The following FBXL17 variants were observed in gnomAD, a reference collection of about 807,000 sequenced individuals.
FBXL17 encodes the protein F-box and leucine rich repeat protein 17.
In FBXL17, 22 loss-of-function variants were observed where a neutral mutation model predicts 66.2. The ratio of observed to expected loss-of-function variants is 0.33; its 90% CI spans 0.24 to 0.47. The LOEUF is 0.47. Among genes scored for constraint, FBXL17 ranks in the 20% least tolerant of loss-of-function variants. FBXL17 has a pLI of 1.00. For missense variants in FBXL17, 878 were observed against 948.2 expected (o/e 0.93, Z 0.97); for synonymous variants, 474 against 400.5 (o/e 1.18, Z -2.19).
intron 4 of FBXL17, among the ~76,000 whole-genome samples, chr5:108,306,835 C>A (rs557728099): frequency 4.6e-5 from 7 of 152,034 alleles, no homozygotes; most frequent in African/African-American, 1.4e-4. Flanking sequence ...AATTAATTAT[C>A]ACTTGTGAGC....
intron 3 of FBXL17, 96 bp from the exon 4 acceptor site, chr5:108,348,626 CAG>C (rs1747434171): frequency 1.7e-6 from 2 of 1,199,162 alleles, no homozygotes; most frequent in Non-Finnish European, 2.4e-6. Flanking sequence ...ATAACCACGT[CAG>C]AGTTAAATAT....
intron 4 of FBXL17, among the ~76,000 whole-genome samples, chr5:108,339,834 C>T (rs1746757481): frequency 6.6e-6 from 1 of 152,118 alleles, no homozygotes; most frequent in African/African-American, 2.4e-5. Flanking sequence ...AAGCTAGCTT[C>T]CTCCTGAGAT....
At chr5:107,947,555 G>A (rs1751355817) in intron 7 of FBXL17, among the ~76,000 whole-genome samples, 1 of 152,180 alleles carries the variant, frequency 6.6e-6, no homozygotes, top group Admixed American at 6.5e-5. Flanking sequence ...TAATTCCTAA[G>A]ATGAGAAGTT....
intron 7 of FBXL17, among the ~76,000 whole-genome samples, chr5:107,910,635 A>G (rs555070259): frequency 2.0e-5 from 3 of 152,162 alleles, no homozygotes; most frequent in Non-Finnish European, 4.4e-5. Context: ...CAAAGGATAT[A>G]ATTGCTTACC....
chr5:108,011,270 G>A (rs1754159965), intron 7 of FBXL17, among the ~76,000 whole-genome samples: 1 of 152,188 alleles, frequency 6.6e-6, no homozygotes, highest in Admixed American at 6.5e-5. Flanking sequence ...ATCTTGAAGA[G>A]CAGGTAAAAC....
chr5:108,122,771 C>T (rs956453243), intron 6 of FBXL17, among the ~76,000 whole-genome samples: 9 of 152,116 alleles, frequency 5.9e-5, no homozygotes, highest in Admixed American at 2.0e-4. Context: ...AAAATGCCCA[C>T]GAGGAACTGC....
At chr5:108,338,830 T>C (rs1746687651) in intron 4 of FBXL17, among the ~76,000 whole-genome samples, 1 of 152,074 alleles carries the variant, frequency 6.6e-6, no homozygotes. Flanking sequence ...GTTCAAACCT[T>C]TGTAAATAAT....
intron 6 of FBXL17, among the ~76,000 whole-genome samples, chr5:108,033,770 T>C (rs1746732096): frequency 1.3e-5 from 2 of 152,180 alleles, no homozygotes; most frequent in African/African-American, 4.8e-5. Context: ...ACATAGATGT[T>C]ATCAGGCTTT....
intron 6 of FBXL17, among the ~76,000 whole-genome samples, chr5:108,033,801 G>A (rs1333129454): frequency 1.3e-5 from 2 of 152,062 alleles, no homozygotes. Flanking sequence ...ACATTCTGAT[G>A]AGTTCGTAAA....
chr5:108,189,115 T>C (rs1433538284), intron 5 of FBXL17, among the ~76,000 whole-genome samples: 1 of 152,096 alleles, frequency 6.6e-6, no homozygotes, highest in Non-Finnish European at 1.5e-5. Flanking sequence ...GAAGGATAGA[T>C]GGCTATGTAC....
chr5:107,933,049 C>A (rs1750783537), intron 7 of FBXL17, among the ~76,000 whole-genome samples: 2 of 152,090 alleles, frequency 1.3e-5, no homozygotes, highest in Non-Finnish European at 1.5e-5. Context: ...TTTTGAGGTC[C>A]AGCAGTGGAA....
intron 4 of FBXL17, among the ~76,000 whole-genome samples, chr5:108,311,432 A>G (rs1213142312): frequency 1.3e-5 from 2 of 152,170 alleles, no homozygotes; most frequent in African/African-American, 4.8e-5. Context: ...TCGGCCTCCC[A>G]AAGTGCTGGG....
chr5:108,325,489 TTATTTTAG>T (rs1241394916), intron 4 of FBXL17, among the ~76,000 whole-genome samples: 1 of 152,036 alleles, frequency 6.6e-6, no homozygotes, highest in African/African-American at 2.4e-5. Context: ...TAAGTGGGAT[TTATTTTAG>T]CAAGAGAAAA....
chr5:108,194,882 T>TA (rs1207312787), intron 5 of FBXL17, among the ~76,000 whole-genome samples: 7 of 152,230 alleles, frequency 4.6e-5, no homozygotes, highest in African/African-American at 9.6e-5. Context: ...CTGAAAAAGA[T>TA]ACCCAGTTGA....
At chr5:107,893,600 C>A (rs1352274655) in intron 7 of FBXL17, among the ~76,000 whole-genome samples, 2 of 152,176 alleles carry the variant, frequency 1.3e-5, no homozygotes, top group African/African-American at 2.4e-5. Context: ...CCAAAACCAA[C>A]AATATTCTGA....
At chr5:108,366,121 T>G (rs942343071) in intron 2 of FBXL17, among the ~76,000 whole-genome samples, 2 of 152,062 alleles carry the variant, frequency 1.3e-5, no homozygotes, top group African/African-American at 2.4e-5. Flanking sequence ...ACCTCGCATA[T>G]AATTCATAGG....
intron 4 of FBXL17, among the ~76,000 whole-genome samples, chr5:108,311,687 G>C (rs1759124145): frequency 6.6e-6 from 1 of 151,876 alleles, no homozygotes; most frequent in Admixed American, 6.6e-5. Context: ...TAAGCTCATG[G>C]AGAATCTAAA....
At chr5:108,041,399 C>T (rs1289148280) in intron 6 of FBXL17, among the ~76,000 whole-genome samples, 1 of 151,920 alleles carries the variant, frequency 6.6e-6, no homozygotes, top group African/African-American at 2.4e-5. Flanking sequence ...AAGCAAATTG[C>T]CTTTTTGTTT....
chr5:107,943,335 C>A (rs570046935), intron 7 of FBXL17, among the ~76,000 whole-genome samples: 1 of 152,096 alleles, frequency 6.6e-6, no homozygotes, highest in Non-Finnish European at 1.5e-5. Context: ...CATCTTCCCC[C>A]ACAAACAGAA....
Sources: gnomAD v4.1 joint callset for allele counts (sites outside exome capture counted in the v4.1 genomes callset) on GRCh38, gnomAD v4.1.1 for gene constraint, MANE v1.5 for transcripts, NCBI Gene and HGNC (gene_info 2026-07-23, HGNC 2026-07-21) for gene names.